Variants in GP2 observed in about 807,000 individuals in gnomAD.
GP2 encodes the protein pancreatic secretory granule membrane major glycoprotein GP2.
GP2 carries 58 observed loss-of-function variants against 60.8 expected under a neutral mutation model. That is an observed-to-expected ratio of 0.95 (90% CI 0.77 to 1.19). The LOEUF (loss-of-function observed/expected upper bound fraction) is 1.19. GP2 is among the 50% of genes most tolerant of loss of function. The pLI is 0.00. For missense variants in GP2, 647 were observed against 667.4 expected, an observed-to-expected ratio of 0.97 and a Z score of 0.34; for synonymous variants, 280 against 253.4, an observed-to-expected ratio of 1.10 and a Z score of -1.00.
intron 10 of GP2, among the ~76,000 whole-genome samples, chr16:20,312,552 T>G (rs149822343): frequency 4.3e-4 from 66 of 152,174 alleles, no homozygotes; most frequent in African/African-American, 1.5e-3. Flanking sequence ...TAGAAATTAG[T>G]CAATTTGGCA....
Position 20,318,197 on chromosome 16 carries a change from A to G in GP2, c.1241T>C (p.Ile414Thr). The part of the protein sequence containing the change: ...EDKADLVKYF[I>T]IRNSCSNQRD... ...AATTGCTCGTTACCTGTTTCTGATG[A>G]TGAAATACTTCACAAGGTCAGCCTT... Residue 414 changes from isoleucine to threonine, a missense_variant, in exon 7 of 11, where the codon ATC becomes ACC. Ile to Thr is a moderately conservative substitution (Grantham distance 89). Coordinates refer to ENST00000302555, the MANE Select transcript of GP2 (RefSeq NM_001502.4). The G allele has an allele frequency of 6.2e-7, 1 of 1,613,434 alleles. No individual in the cohort carries two copies. The highest frequency in any genetic ancestry group is 8.5e-7 in the Non-Finnish European group (1 of 1,179,350).
At chr16:20,326,289 T>G in intron 2 of GP2, 49 bp downstream of exon 2, 1 of 1,581,694 alleles carries the variant, frequency 6.3e-7, no homozygotes, top group Non-Finnish European at 8.7e-7. Context: ...TATCCTCACT[T>G]GCTAGGTCTT....
At position 20,320,263 on chromosome 16, in the gene GP2, T is replaced by A. The variant is rs1397806013; in HGVS notation, c.857A>T (p.Glu286Val). Residue 286 changes from glutamate (E) to valine (V), a missense_variant and splice_region_variant, in exon 5 of 11, where the codon GAG becomes GTG. By Grantham distance (121) the Glu-to-Val change is moderately radical. Transcript: ENST00000302555. ...VQASACRNIL[E>V]RNQTHAIYKN... The stretch of plus-strand genomic sequence containing the variant: ...AGCAGTGGTGTGAAAGCCACTTACC[T>A]CCAGAATGTTCCTGCAGGCACTAGC... 6.2e-7 allele frequency: 1 copy of A among 1,609,430 alleles called. No homozygotes were observed. Among genetic ancestry groups the A allele is most frequent in the Admixed American group, 1.7e-5 (1 of 60,002 alleles).
At position 20,311,269 on chromosome 16, in the gene GP2, G is replaced by A. The variant is rs201879579; in HGVS notation, c.1559C>T (p.Ala520Val). ...GACAGTCAGGAGGACCATAGGCCAG[G>A]CCACCAGGAACCCTGAAATACAAGA... The part of the protein sequence containing the change: ...GTPSTAGFLV[A>V]WPMVLLTVLL... Residue 520 changes from alanine to valine, a missense_variant, in exon 11 of 11, where the codon GCC (alanine) becomes GTC (valine). Coordinates refer to ENST00000302555, the MANE Select transcript of GP2 (RefSeq NM_001502.4). 1 of 1,605,444 alleles carries A rather than the reference G, an allele frequency of 6.2e-7. No homozygotes were observed. Among genetic ancestry groups the A allele is most frequent in the Non-Finnish European group, 8.5e-7 (1 of 1,172,192 alleles).
intron 9 of GP2, among the ~76,000 whole-genome samples, chr16:20,315,676 T>A (rs1217445116): frequency 6.6e-6 from 1 of 152,184 alleles, no homozygotes; most frequent in Non-Finnish European, 1.5e-5. Context: ...TCACTTAATC[T>A]CTCTGAGTCT....
At chr16:20,319,591 G>A (rs370780262) in intron 6 of GP2, 29 bp downstream of exon 6, 278 of 1,567,282 alleles carry the variant, frequency 1.8e-4, no homozygotes, top group Non-Finnish European at 2.4e-4. Flanking sequence ...CCAGGGTTAT[G>A]GGTCAAAGGG....
intron 10 of GP2, among the ~76,000 whole-genome samples, chr16:20,312,978 A>G (rs533362759): frequency 2.4e-4 from 37 of 151,498 alleles, no homozygotes; most frequent in African/African-American, 8.7e-4. Flanking sequence ...AGCTCTAACC[A>G]CTCCTCTCAA....
At position 20,314,722 on chromosome 16, in the gene GP2, G is replaced by T. The variant is rs201086346; in HGVS notation, c.1502-21C>A. 5.7e-6 allele frequency: 9 copies of T among 1,580,444 alleles called. No homozygotes were observed. In the Admixed American group the frequency reaches 1.2e-4, roughly 21 times the overall value. On this transcript the variant is annotated intron_variant, in intron 9 of 10. Coordinates refer to ENST00000302555, the MANE Select transcript of GP2 (RefSeq NM_001502.4). ...TGCACCTGTGAACAAGAACAGAAGG[G>T]GTGGGTTTCCTCAGTCATGCTCCAG...
Position 20,317,388 on chromosome 16 carries a change from C to G in GP2, c.1254-13G>C. 1 of 1,610,294 alleles carries G rather than the reference C, an allele frequency of 6.2e-7. No homozygotes were observed. Among genetic ancestry groups the G allele is most frequent in the Non-Finnish European group, 8.5e-7 (1 of 1,176,970 alleles). On this transcript the variant is annotated splice_polypyrimidine_tract_variant and intron_variant, in intron 7 of 10. Transcript: ENST00000302555. ...TTGATTTGAGCAGCTGGGAGGGTGA[C>G]AGGGGCAAAGGTGTAACTTCTAAAA...
chr16:20,313,059 G>A (rs1964038743), intron 10 of GP2, among the ~76,000 whole-genome samples: 1 of 152,078 alleles, frequency 6.6e-6, no homozygotes. Flanking sequence ...GGACTTATTT[G>A]GGAAATTTAA....
Position 20,310,899 on chromosome 16 carries a change from G to A in GP2, c.*324C>T, listed in dbSNP as rs1321494158. On this transcript the variant is annotated 3_prime_UTR_variant, in exon 11 of 11. Coordinates refer to ENST00000302555, the MANE Select transcript of GP2 (RefSeq NM_001502.4). Reference sequence around the variant, plus strand: ...GGCCTCCCGAGTAGCTGGGATTACAGGCGCCTGCCACCATGCCTGGCTAAT... The same window carrying A: ...GGCCTCCCGAGTAGCTGGGATTACAAGCGCCTGCCACCATGCCTGGCTAAT... 2.3e-5 allele frequency: 5 copies of A among 216,206 alleles called. No homozygotes were observed. Among genetic ancestry groups the A allele is most frequent in the South Asian group, 2.0e-4 (3 of 14,988 alleles). 13.4% of individuals were successfully genotyped at this position (216,206 alleles called of 1,614,324 possible).
In GP2 at chr16:20,324,107, A is replaced by T; in HGVS notation, c.244T>A (p.Ser82Thr). 1 of 1,614,100 alleles carries T rather than the reference A, an allele frequency of 6.2e-7. No individual in the cohort carries two copies. The highest frequency in any genetic ancestry group is 8.5e-7 in the Non-Finnish European group (1 of 1,179,980). ...PFRSTENSAGSQGCDKNMSGW... is the reference protein window; with the variant it reads ...PFRSTENSAGTQGCDKNMSGW... ...CTCATGTTTTTATCGCACCCCTGGG[A>T]CCCTGCTGAGTTCTCTGTGCTTCGG... Residue 82 changes from serine (S) to threonine (T), a missense_variant, in exon 3 of 11, where the codon TCC becomes ACC. By Grantham distance (58) the Ser-to-Thr change is moderately conservative. Transcript: ENST00000302555.
chr16:20,322,869 CA>C lies in GP2; in HGVS notation c.645del (p.Asp216MetfsTer9). 2 of 1,546,384 alleles carry C rather than the reference CA, an allele frequency of 1.3e-6. No individual in the cohort carries two copies. Among genetic ancestry groups the C allele is most frequent in the Non-Finnish European group, 1.8e-6 (2 of 1,118,094 alleles). ...GCFCRQDLNS[S>X]DVHSLQPQLD... ...GTTACTTGCCCAGTGAGCAGCTCAC[CA>C]GAACTATTGAGGTCCTGTCTGCAGA... On this transcript the variant is annotated frameshift_variant and splice_region_variant, in exon 4 of 11. Coordinates refer to ENST00000302555, the MANE Select transcript of GP2 (RefSeq NM_001502.4). LOFTEE classifies it high-confidence loss of function.
Position 20,316,010 on chromosome 16 carries a change from C to CT in GP2, c.1446dup (p.Val483SerfsTer31), listed in dbSNP as rs1964154914. On this transcript the variant is annotated frameshift_variant, in exon 9 of 11. Transcript: ENST00000302555. LOFTEE classifies it high-confidence loss of function. ...ACCCGGGCTAGGTCGATGGCCGGTA[C>CT]TTCACTGCGGACTTGACTTCTTGAG... 6.2e-7 allele frequency: 1 copy of CT among 1,612,780 alleles called. No homozygotes were observed. Among genetic ancestry groups the CT allele is most frequent in the African/African-American group, 1.3e-5 (1 of 74,900 alleles).
chr16:20,318,144 C>T (rs372909270), intron 7 of GP2, 41 bp downstream of exon 7: 19 of 1,568,710 alleles, frequency 1.2e-5, no homozygotes, highest in East Asian at 6.7e-5. Context: ...TTCCTGTAAA[C>T]GTTAGTAAGG....
Position 20,315,998 on chromosome 16 carries a change from C to T in GP2, c.1459G>A (p.Asp487Asn), listed in dbSNP as rs1420019822. The T allele has an allele frequency of 2.5e-6, 4 of 1,613,406 alleles. No homozygotes were observed. Among genetic ancestry groups the T allele is most frequent in the Non-Finnish European group, 3.4e-6 (4 of 1,179,440 alleles). ...CCCAAATCTAGAACCCGGGCTAGGT[C>T]GATGGCCGGTACTTCACTGCGGACT... The part of the protein sequence containing the change: ...SQVRSEVPAI[D>N]LARVLDLGPI... The change falls in exon 9 of 11, where the codon GAC becomes AAC. Residue 487 changes from aspartate (D) to asparagine (N), a missense_variant. By Grantham distance (23) the Asp-to-Asn change is conservative (BLOSUM62 1). Transcript: ENST00000302555.
chr16:20,320,130 A>T (rs1717272267), intron 5 of GP2, 132 bp downstream of exon 5: 1 of 667,668 alleles, frequency 1.5e-6, no homozygotes, highest in Admixed American at 2.5e-5. Flanking sequence ...ATGTAAACCA[A>T]CTTGTGCACT....
Position 20,320,436 on chromosome 16 carries a change from G to A in GP2, c.684C>T (p.Pro228=). The A allele has an allele frequency of 6.2e-7, 1 of 1,613,932 alleles. No individual in the cohort carries two copies. Among genetic ancestry groups the A allele is most frequent in the Non-Finnish European group, 8.5e-7 (1 of 1,179,846 alleles). ...HSLQPQLDCG[P]REIKVKVDKC... is the part of the protein sequence containing the mutation. ...TGTCCACCTTCACCTTGATCTCCCT[G>A]GGCCCACAGTCTAGCTGAGGCTGCA... Residue 228 remains proline, a synonymous_variant, in exon 5 of 11, where the codon CCC becomes CCT. Transcript: ENST00000302555.
chr16:20,316,507 C>T (rs1429218078), intron 8 of GP2, among the ~76,000 whole-genome samples: 1 of 152,210 alleles, frequency 6.6e-6, no homozygotes, highest in African/African-American at 2.4e-5. Flanking sequence ...AAGGACTTCT[C>T]TGAACCTCAC....
Sources: gnomAD v4.1 joint callset for allele counts (sites outside exome capture counted in the v4.1 genomes callset) on GRCh38, gnomAD v4.1.1 for gene constraint, MANE v1.5 for transcripts, NCBI Gene and HGNC (gene_info 2026-07-23, HGNC 2026-07-21) for gene names.